Variants in NEU4 observed in about 807,000 individuals in gnomAD.
NEU4 encodes the protein neuraminidase 4, also known as sialidase-4.
NEU4 carries 7 observed loss-of-function variants against 9.9 expected under a neutral mutation model. The observed-to-expected ratio is 0.71, with a 90% CI of 0.40 to 1.33. The LOEUF (loss-of-function observed/expected upper bound fraction) is 1.33. Ranked by LOEUF, NEU4 falls within the 40% of genes most tolerant of loss-of-function variation. The pLI is 0.01. For missense variants in NEU4, 717 were observed against 712.6 expected, an observed-to-expected ratio of 1.01 and a Z score of -0.07; for synonymous variants, 348 against 316.9, an observed-to-expected ratio of 1.10 and a Z score of -1.04.
rs1700254945 is a variant in NEU4 at position 241,814,794 on chromosome 2, A to G, written c.202-98A>G. 15 of 1,539,526 alleles carry G rather than the reference A, an allele frequency of 9.7e-6. No homozygotes were observed. The South Asian group carries it at 1.6e-4, about 16-fold the overall frequency. Reference sequence around the variant, plus strand: ...GGCGGCAGGCAGATGCCCGAGGTAGAGATGAGCAAACCAGGCTCAGCGATC... The same window carrying G: ...GGCGGCAGGCAGATGCCCGAGGTAGGGATGAGCAAACCAGGCTCAGCGATC... On this transcript the variant is annotated intron_variant, in intron 2 of 3. Transcript: ENST00000407683.
At chr2:241,809,616 C>A in intron 1 of NEU4, 1 of 269,380 alleles carries the variant, frequency 3.7e-6, no homozygotes, top group South Asian at 3.5e-5. Flanking sequence ...CAGCCGTGGG[C>A]CATGGGGTGA....
rs897609047 is a variant in NEU4, at chr2:241,817,410, C to G, written c.*362C>G. ...CGAAATAAAGGAATCGTGCTTGTGTCGGGGTAGACGTTTCTTTCCTTTTCA... is the reference window on the plus strand; with the variant it reads ...CGAAATAAAGGAATCGTGCTTGTGTGGGGGTAGACGTTTCTTTCCTTTTCA... On this transcript the variant is annotated 3_prime_UTR_variant, in exon 4 of 4. Transcript: ENST00000407683. The G allele has an allele frequency of 2.5e-5, 8 of 314,748 alleles. No individual in the cohort carries two copies. The highest frequency in any genetic ancestry group is 4.5e-5 in the Admixed American group (1 of 22,036). The allele number at this position is 314,748 out of a possible 1,614,324, so 19.5% of individuals were successfully genotyped here.
chr2:241,812,364 T>C (rs1382816274), intron 1 of NEU4, among the ~76,000 whole-genome samples: 1 of 152,006 alleles, frequency 6.6e-6, no homozygotes, highest in African/African-American at 2.4e-5. Context: ...GAGGGCCCTG[T>C]CAGGGAGGGC....
At position 241,816,665 on chromosome 2, in the gene NEU4, G is replaced by C; in HGVS notation, c.1072G>C (p.Gly358Arg). The C allele has an allele frequency of 6.5e-7, 1 of 1,528,658 alleles. No homozygotes were observed. Among genetic ancestry groups the C allele is most frequent in the South Asian group, 1.3e-5 (1 of 78,294 alleles). The allele number at this position is 1,528,658 out of a possible 1,614,324, so 94.7% of individuals were successfully genotyped here. A position where few individuals can be genotyped will look rare whatever the true frequency, so the allele number is the denominator to read the frequency against. The change falls in exon 4 of 4, where the codon GGG becomes CGG. Residue 358 changes from glycine (G) to arginine (R), a missense_variant. Gly to Arg is a moderately radical substitution (Grantham distance 125, BLOSUM62 -2). Coordinates refer to ENST00000407683, the MANE Select transcript of NEU4 (RefSeq NM_001167600.3). ...CAGGCCTGGGGTCAGTGGGGATGTG[G>C]GGTCCTGGACCCTGGCACTCCCCAT... ...GPRPGVSGDV[G>R]SWTLALPMPF... is the part of the protein sequence containing the mutation.
chr2:241,817,383 C>G lies in NEU4; in HGVS notation c.*335C>G. ...CACTTGTTTACTGGCTGCTTTCTGG[C>G]TCGAAATAAAGGAATCGTGCTTGTG... is the stretch of plus-strand genomic sequence containing the variant. On this transcript the variant is annotated 3_prime_UTR_variant, in exon 4 of 4. Coordinates refer to ENST00000407683, the MANE Select transcript of NEU4 (RefSeq NM_001167600.3). 2.6e-6 allele frequency: 1 copy of G among 385,838 alleles called. No homozygotes were observed. The highest frequency in any genetic ancestry group is 4.6e-6 in the Non-Finnish European group (1 of 216,678). The allele number at this position is 385,838 out of a possible 1,614,324, so 23.9% of individuals were successfully genotyped here. A position where few individuals can be genotyped will look rare whatever the true frequency, so the allele number is the denominator to read the frequency against.
rs371887569 is a variant in NEU4, at chr2:241,814,538, G to T, written c.54G>T (p.Thr18=). 11 of 1,612,606 alleles carry T rather than the reference G, an allele frequency of 6.8e-6. No homozygotes were observed. The African/African-American group carries it at 8.0e-5, about 12-fold the overall frequency. Residue 18 remains threonine, a synonymous_variant, in exon 2 of 4, where the codon ACG becomes ACT. Transcript: ENST00000407683. Reference sequence around the variant, plus strand: ...CAGTGCTCTTCGAGCGGGAGAGGACGGGCCTGACCTACCGCGTGCCCTCGC... The same window carrying T: ...CAGTGCTCTTCGAGCGGGAGAGGACTGGCCTGACCTACCGCGTGCCCTCGC... ...SRTVLFERER[T]GLTYRVPSLL... is the part of the protein sequence containing the mutation.
chr2:241,809,323 C>T lies in NEU4; in HGVS notation c.-4+49C>T, dbSNP rs1035511371. ...TTGGGGTCTTTCTGGCGACGTAAAA[C>T]TGTGTGTAGTTTGCAGTAGAGAGTG... On this transcript the variant is annotated intron_variant, in intron 1 of 3. Coordinates refer to ENST00000407683, the MANE Select transcript of NEU4 (RefSeq NM_001167600.3). 9 of 1,121,128 alleles carry T rather than the reference C, an allele frequency of 8.0e-6. No individual in the cohort carries two copies. The African/African-American group carries it at 1.4e-4, about 18-fold the overall frequency. The allele number at this position is 1,121,128 out of a possible 1,614,324, so 69.4% of individuals were successfully genotyped here.
Position 241,814,540 on chromosome 2 carries a change from G to A in NEU4, c.56G>A (p.Gly19Asp), listed in dbSNP as rs1282436588. Residue 19 changes from glycine to aspartate, a missense_variant, in exon 2 of 4, where the codon GGC becomes GAC. Gly to Asp is a moderately conservative substitution (Grantham distance 94). Coordinates refer to ENST00000407683, the MANE Select transcript of NEU4 (RefSeq NM_001167600.3). Reference sequence around the variant, plus strand: ...GTGCTCTTCGAGCGGGAGAGGACGGGCCTGACCTACCGCGTGCCCTCGCTG... The same window carrying A: ...GTGCTCTTCGAGCGGGAGAGGACGGACCTGACCTACCGCGTGCCCTCGCTG... ...RTVLFERERT[G>D]LTYRVPSLLP... The A allele has an allele frequency of 1.9e-6, 3 of 1,612,724 alleles. No homozygotes were observed. Among genetic ancestry groups the A allele is most frequent in the Non-Finnish European group, 2.5e-6 (3 of 1,179,930 alleles).
rs367781603 is a variant in NEU4, at chr2:241,814,580, C to T, written c.96C>T (p.Pro32=). ...YRVPSLLPVP[P]GPTLLAFVEQ... is the part of the protein sequence containing the mutation. ...TGCCCTCGCTGCTCCCCGTGCCCCC[C>T]GGGCCCACCCTGCTGGCCTTTGTGG... Residue 32 remains proline, a synonymous_variant, in exon 2 of 4, where the codon CCC becomes CCT. Transcript: ENST00000407683. The T allele has an allele frequency of 2.5e-5, 40 of 1,612,116 alleles. No individual in the cohort carries two copies. The highest frequency in any genetic ancestry group is 1.6e-4 in the Middle Eastern group (1 of 6,072).
In NEU4 at chr2:241,814,879, C is replaced by G. The variant is rs1299964319; in HGVS notation, c.202-13C>G. 1 of 1,598,592 alleles carries G rather than the reference C, an allele frequency of 6.3e-7. No individual in the cohort carries two copies. Among genetic ancestry groups the G allele is most frequent in the South Asian group, 1.1e-5 (1 of 90,464 alleles). ...TGGACGTCCTGGTCAGCGGAACTTC[C>G]TCCTCTGGGCAGTGGGGTGCCCTGC... On this transcript the variant is annotated splice_polypyrimidine_tract_variant and intron_variant, in intron 2 of 3. Coordinates refer to ENST00000407683, the MANE Select transcript of NEU4 (RefSeq NM_001167600.3).
intron 1 of NEU4, among the ~76,000 whole-genome samples, chr2:241,812,495 C>T (rs2396770): frequency 7.4e-5 from 11 of 147,860 alleles, no homozygotes; most frequent in Admixed American, 4.7e-4. Flanking sequence ...GCCGAGGACA[C>T]GGAGGCTCTG....
rs533479670 is a variant in NEU4, at chr2:241,811,875, G to A, written c.-4+2601G>A. On this transcript the variant is annotated intron_variant, in intron 1 of 3. Coordinates refer to ENST00000407683, the MANE Select transcript of NEU4 (RefSeq NM_001167600.3). Reference sequence around the variant, plus strand: ...TCTACCAGGTGAAGGGTCTGTGGTCGGAGTCTTCGCCCTGGCCAGGGCCCA... The same window carrying A: ...TCTACCAGGTGAAGGGTCTGTGGTCAGAGTCTTCGCCCTGGCCAGGGCCCA... The A allele has an allele frequency of 1.2e-4, 22 of 188,832 alleles. No individual in the cohort carries two copies. The South Asian group carries it at 3.9e-3, about 33-fold the overall frequency. The allele number at this position is 188,832 out of a possible 1,614,324, so 11.7% of individuals were successfully genotyped here.
In NEU4 at chr2:241,814,974, C is replaced by A. The variant is rs763909761; in HGVS notation, c.284C>A (p.Thr95Lys). ...MNPCPVHDAG[T>K]GTVFLFFIAV... ...CCCTGCCCTGTGCACGATGCTGGCA[C>A]GGGCACCGTCTTCCTCTTCTTCATC... The change falls in exon 3 of 4, where the codon ACG becomes AAG. Residue 95 changes from threonine to lysine, a missense_variant. By Grantham distance (78) the Thr-to-Lys change is moderately conservative. Coordinates refer to ENST00000407683, the MANE Select transcript of NEU4 (RefSeq NM_001167600.3). 1 of 1,610,748 alleles carries A rather than the reference C, an allele frequency of 6.2e-7. No homozygotes were observed. Among genetic ancestry groups the A allele is most frequent in the Non-Finnish European group, 8.5e-7 (1 of 1,179,716 alleles).
At position 241,816,485 on chromosome 2, in the gene NEU4, G is replaced by C. The variant is rs1700346482; in HGVS notation, c.892G>C (p.Val298Leu). 1.9e-6 allele frequency: 3 copies of C among 1,609,750 alleles called. No homozygotes were observed. Among genetic ancestry groups the C allele is most frequent in the African/African-American group, 2.7e-5 (2 of 74,996 alleles). ...PNRPRDDSWS[V>L]GPGSPLQPPL... ...CAGGCCACGGGATGACAGTTGGTCAGTGGGCCCCGGGAGTCCCCTCCAGCC... is the reference window on the plus strand; with the variant it reads ...CAGGCCACGGGATGACAGTTGGTCACTGGGCCCCGGGAGTCCCCTCCAGCC... The change falls in exon 4 of 4, where the codon GTG becomes CTG. Residue 298 changes from valine to leucine, a missense_variant. Transcript: ENST00000407683.
Position 241,817,334 on chromosome 2 carries a change from A to G in NEU4, c.*286A>G. ...CAGGGCCAGGCGCGGGACCGCAGGTAGCCCAGGGTGTTGTGGGTGGCAGCA... is the reference window on the plus strand; with the variant it reads ...CAGGGCCAGGCGCGGGACCGCAGGTGGCCCAGGGTGTTGTGGGTGGCAGCA... On this transcript the variant is annotated 3_prime_UTR_variant, in exon 4 of 4. Transcript: ENST00000407683. 1 of 453,814 alleles carries G rather than the reference A, an allele frequency of 2.2e-6. No individual in the cohort carries two copies. The highest frequency in any genetic ancestry group is 2.0e-5 in the African/African-American group (1 of 50,026). 28.1% of individuals were successfully genotyped at this position (453,814 alleles called of 1,614,324 possible).
intron 3 of NEU4, chr2:241,815,634 C>T: frequency 1.9e-6 from 1 of 514,986 alleles, no homozygotes; most frequent in Non-Finnish European, 3.8e-6. Context: ...CCTTCTCACC[C>T]TGCCCAGGGC....
chr2:241,814,656 A>G lies in NEU4; in HGVS notation c.172A>G (p.Arg58Gly). The change falls in exon 2 of 4, where the codon AGG becomes GGG. Residue 58 changes from arginine to glycine, a missense_variant. Arg to Gly is a moderately radical substitution (Grantham distance 125). Transcript: ENST00000407683. Reference protein sequence around the residue: ...DSHAHRLVLRRGTLAGGSVRW... With the variant: ...DSHAHRLVLRGGTLAGGSVRW... ...CCACGCCCACCGCCTGGTGCTGAGG[A>G]GGGGCACGCTGGCCGGGGGCTCCGT... 6.4e-7 allele frequency: 1 copy of G among 1,571,528 alleles called. No individual in the cohort carries two copies. The highest frequency in any genetic ancestry group is 8.6e-7 in the Non-Finnish European group (1 of 1,160,160).
At position 241,811,273 on chromosome 2, in the gene NEU4, T is replaced by C. The variant is rs2125208805; in HGVS notation, c.-4+1999T>C. ...CGTCTGTGTGGCTCCTGGGTGCCCA[T>C]CTGCACCCCTGGCCCTGCTCTGGGC... is the stretch of plus-strand genomic sequence containing the variant. On this transcript the variant is annotated intron_variant, in intron 1 of 3. Transcript: ENST00000407683. 3.1e-6 allele frequency: 4 copies of C among 1,270,686 alleles called. No homozygotes were observed. In the South Asian group the frequency reaches 8.9e-5, roughly 28 times the overall value. 78.7% of individuals were successfully genotyped at this position (1,270,686 alleles called of 1,614,324 possible).
rs756506515 is a variant in NEU4, at chr2:241,816,982, C to T, written c.1389C>T (p.Asn463=). The change falls in exon 4 of 4, where the codon AAC becomes AAT. Residue 463 remains asparagine, a synonymous_variant. Transcript: ENST00000407683. ...TCTCCCTGCGTGAGGTCCTGGAGAACGTGCCCGCCAGCCCCAAACCGCCCA... is the reference window on the plus strand; with the variant it reads ...TCTCCCTGCGTGAGGTCCTGGAGAATGTGCCCGCCAGCCCCAAACCGCCCA... ...CTFSLREVLE[N]VPASPKPPNL... The T allele has an allele frequency of 2.9e-5, 47 of 1,609,998 alleles. No homozygotes were observed. Among genetic ancestry groups the T allele is most frequent in the Admixed American group, 8.4e-5 (5 of 59,706 alleles).
Sources: allele counts gnomAD v4.1 joint callset (sites outside exome capture counted in the v4.1 genomes callset), GRCh38; gene constraint gnomAD v4.1.1; transcripts MANE v1.5; gene names NCBI Gene and HGNC (gene_info 2026-07-23, HGNC 2026-07-21).